Variants in SLC35G2 observed in about 807,000 individuals in gnomAD.
The protein encoded by SLC35G2 is solute carrier family 35 member G2, also known as transmembrane protein 22.
A neutral mutation model predicts 27.2 loss-of-function variants in SLC35G2; 20 were observed. That is an observed-to-expected ratio of 0.74 (90% CI 0.52 to 1.07). The LOEUF is 1.07. Ranked by LOEUF, SLC35G2 falls within the 50% of genes least tolerant of loss-of-function variation. The pLI, the probability that SLC35G2 is intolerant of heterozygous loss-of-function variation, is 0.00. For missense variants in SLC35G2, 416 were observed against 493.3 expected (o/e 0.84, Z 1.48); for synonymous variants, 148 against 165.3 (o/e 0.90, Z 0.80).
chr3:136,854,325 T>C, intron 1 of SLC35G2, 118 bp from the exon 2 acceptor site: 1 of 674,712 alleles, frequency 1.5e-6, no homozygotes, highest in Non-Finnish European at 2.4e-6. Context: ...ATTTCTTTTT[T>C]TTCTGGACTA....
intron 1 of SLC35G2, among the ~76,000 whole-genome samples, chr3:136,821,038 A>G (rs1392708753): frequency 1.3e-5 from 2 of 152,196 alleles, no homozygotes; most frequent in Non-Finnish European, 2.9e-5. Flanking sequence ...AATTTTAAAT[A>G]TATTGGTGGT....
At position 136,855,463 on chromosome 3, in the gene SLC35G2, G is replaced by A. The variant is rs1314900787; in HGVS notation, c.1003G>A (p.Val335Ile). 6.2e-7 allele frequency: 1 copy of A among 1,614,186 alleles called. No homozygotes were observed. Among genetic ancestry groups the A allele is most frequent in the Non-Finnish European group, 8.5e-7 (1 of 1,180,022 alleles). Residue 335 changes from valine (V) to isoleucine (I), a missense_variant, in exon 2 of 2, where the codon GTT becomes ATT. Coordinates refer to ENST00000446465, the MANE Select transcript of SLC35G2 (RefSeq NM_025246.3). ...CVCSTAAFLG[V>I]YYALDKFHPA... The stretch of plus-strand genomic sequence containing the variant: ...CTGTTCTACTGCAGCATTCTTAGGA[G>A]TTTATTATGCCTTGGACAAATTCCA...
chr3:136,835,703 G>A (rs994949603), intron 1 of SLC35G2, among the ~76,000 whole-genome samples: 4 of 152,020 alleles, frequency 2.6e-5, no homozygotes, highest in African/African-American at 4.8e-5. Context: ...TTACTAGTTG[G>A]GATTCTATTG....
intron 1 of SLC35G2, among the ~76,000 whole-genome samples, chr3:136,827,802 G>A (rs1212638287): frequency 6.6e-6 from 1 of 151,168 alleles, no homozygotes; most frequent in African/African-American, 2.4e-5. Context: ...GTTTACTTGT[G>A]GTCAGAGAAG....
chr3:136,853,229 G>T (rs1194803861), intron 1 of SLC35G2, among the ~76,000 whole-genome samples: 1 of 152,036 alleles, frequency 6.6e-6, no homozygotes, highest in Non-Finnish European at 1.5e-5. Context: ...CCGAGTAGCT[G>T]GAATTACAGA....
At chr3:136,824,971 C>T (rs1321203545) in intron 1 of SLC35G2, among the ~76,000 whole-genome samples, 2 of 152,150 alleles carry the variant, frequency 1.3e-5, no homozygotes, top group Admixed American at 1.3e-4. Flanking sequence ...TCTCATTGTT[C>T]AGCTCCCACC....
chr3:136,819,210 C>G lies in SLC35G2; in HGVS notation c.-437C>G, dbSNP rs1451054702. On this transcript the variant is annotated 5_prime_UTR_variant, in exon 1 of 2. Transcript: ENST00000446465. ...CCGGGGCACCTTCCTCGCCACGACA[C>G]GCAGGTAACCGGGCCCCGGGAGCCG... 6.6e-6 allele frequency: 1 copy of G among 152,256 alleles called. No homozygotes were observed. The highest frequency in any genetic ancestry group is 1.5e-5 in the Non-Finnish European group (1 of 68,052). 9.4% of individuals were successfully genotyped at this position (152,256 alleles called of 1,614,324 possible).
intron 1 of SLC35G2, among the ~76,000 whole-genome samples, chr3:136,840,515 T>C (rs1447628767): frequency 7.1e-6 from 1 of 141,218 alleles, no homozygotes; most frequent in Non-Finnish European, 1.5e-5. Context: ...CCTCCCTCCC[T>C]TCCTCTCTCT....
intron 1 of SLC35G2, 34 bp from the exon 2 acceptor site, chr3:136,854,409 G>T (rs1440780688): frequency 1.2e-5 from 16 of 1,348,572 alleles, no homozygotes; most frequent in Non-Finnish European, 1.5e-5. Flanking sequence ...TCAATGAAAT[G>T]AATGTCTTTT....
At chr3:136,823,384 T>C (rs1030441363) in intron 1 of SLC35G2, among the ~76,000 whole-genome samples, 1 of 152,192 alleles carries the variant, frequency 6.6e-6, no homozygotes, top group Non-Finnish European at 1.5e-5. Context: ...GCTGACTGTT[T>C]CCTTTGCTGT....
intron 1 of SLC35G2, among the ~76,000 whole-genome samples, chr3:136,841,042 G>A (rs1386019149): frequency 6.7e-6 from 1 of 149,390 alleles, no homozygotes; most frequent in Non-Finnish European, 1.5e-5. Flanking sequence ...TGCCCAGGCT[G>A]GTCTTGAACT....
At chr3:136,854,161 A>T (rs1031418799) in intron 1 of SLC35G2, among the ~76,000 whole-genome samples, 4 of 152,314 alleles carry the variant, frequency 2.6e-5, no homozygotes, top group African/African-American at 9.6e-5. Flanking sequence ...AAAAGATGGA[A>T]AAATCCGTTT....
At chr3:136,850,010 G>A (rs1937574780) in intron 1 of SLC35G2, among the ~76,000 whole-genome samples, 1 of 152,170 alleles carries the variant, frequency 6.6e-6, no homozygotes. Flanking sequence ...TGGAGGCTGA[G>A]GCAGGAGAAT....
intron 1 of SLC35G2, among the ~76,000 whole-genome samples, chr3:136,824,120 A>G (rs1018703116): frequency 2.0e-5 from 3 of 152,130 alleles, no homozygotes; most frequent in Admixed American, 2.0e-4. Flanking sequence ...TTTGGTTACT[A>G]TAGCTCTGTA....
chr3:136,851,487 AC>A (rs1937626389), intron 1 of SLC35G2, among the ~76,000 whole-genome samples: 1 of 91,594 alleles, frequency 1.1e-5, no homozygotes, highest in African/African-American at 4.3e-5. Context: ...GAAGAGTGAG[AC>A]TCCGTCTCAA....
intron 1 of SLC35G2, among the ~76,000 whole-genome samples, chr3:136,824,102 C>G (rs953447368): frequency 5.9e-5 from 9 of 152,124 alleles, no homozygotes; most frequent in Non-Finnish European, 1.3e-4. Flanking sequence ...ATGCCAGTAC[C>G]ATGCTGTTTT....
At position 136,847,431 on chromosome 3, in the gene SLC35G2, A is replaced by G. The variant is rs548436010; in HGVS notation, c.-18-7012A>G. ...GCAACCAAGAGAATTTTGGTGGCCT[A>G]TTAGAGTTAGCAGAAGACAACAAGC... On this transcript the variant is annotated intron_variant, in intron 1 of 1. Coordinates refer to ENST00000446465, the MANE Select transcript of SLC35G2 (RefSeq NM_025246.3). 9.2e-5 allele frequency among the ~76,000 whole-genome samples: 14 copies of G among 152,280 alleles called. 1 individual carries two copies. In the South Asian group the frequency reaches 2.1e-3, roughly 23 times the overall value.
chr3:136,830,428 G>A (rs772998976), intron 1 of SLC35G2, among the ~76,000 whole-genome samples: 8 of 151,906 alleles, frequency 5.3e-5, no homozygotes, highest in African/African-American at 9.7e-5. Flanking sequence ...GACTACAGGC[G>A]CCCGCCACCA....
intron 1 of SLC35G2, among the ~76,000 whole-genome samples, chr3:136,824,331 T>C (rs182350800): frequency 5.0e-4 from 76 of 152,342 alleles, no homozygotes; most frequent in Admixed American, 2.1e-3. Flanking sequence ...AGTTTAACAA[T>C]ATTGATTCTT....
Sources: allele counts gnomAD v4.1 joint callset (sites outside exome capture counted in the v4.1 genomes callset), GRCh38; gene constraint gnomAD v4.1.1; transcripts MANE v1.5; gene names NCBI Gene and HGNC (gene_info 2026-07-23, HGNC 2026-07-21).